TMIGD2: variants seen among roughly 807,000 people sequenced by gnomAD.
The protein encoded by TMIGD2 is transmembrane and immunoglobulin domain-containing protein 2.
TMIGD2 carries 18 observed loss-of-function variants against 22.6 expected under a neutral mutation model. That is an observed-to-expected ratio of 0.80 (90% CI 0.55 to 1.18). The LOEUF (loss-of-function observed/expected upper bound fraction) is 1.18. Among genes scored for constraint, TMIGD2 ranks in the 50% most tolerant of loss-of-function variants. The pLI, the probability that TMIGD2 is intolerant of heterozygous loss-of-function variation, is 0.00. For missense variants in TMIGD2, 361 were observed against 378.2 expected (o/e 0.95, Z 0.38); for synonymous variants, 184 against 154.1 (o/e 1.19, Z -1.44).
intron 1 of TMIGD2, among the ~76,000 whole-genome samples, chr19:4,299,333 T>C (rs563891638): frequency 7.9e-5 from 12 of 151,962 alleles, no homozygotes; most frequent in African/African-American, 2.7e-4. Flanking sequence ...TTTGTAGAGA[T>C]TGGGGTCTCA....
At chr19:4,292,240 C>T (rs1971389403) in exon 5 of TMIGD2, 1 of 284,306 alleles carries the variant, frequency 3.5e-6, no homozygotes, top group Non-Finnish European at 6.7e-6. Context: ...GCTTTTTCTT[C>T]ACAAGCCTTT....
At chr19:4,294,619 G>C in exon 4 of TMIGD2, 1 of 1,610,094 alleles carries the variant, frequency 6.2e-7, no homozygotes, top group Non-Finnish European at 8.5e-7. Flanking sequence ...CCCAGAACCA[G>C]GCACCCCACA....
intron 4 of TMIGD2, among the ~76,000 whole-genome samples, chr19:4,293,562 T>A (rs1313318215): frequency 1.3e-5 from 1 of 74,400 alleles, no homozygotes; most frequent in Non-Finnish European, 2.9e-5. Context: ...ACCCGGCCAA[T>A]TTTTTTTTTT....
In TMIGD2 at chr19:4,295,110, A is replaced by G. The variant is rs536962348; in HGVS notation, c.407-294T>C. On this transcript the variant is annotated intron_variant, in intron 2 of 4. Transcript: ENST00000301272. ...ACCCCATCTCTACAAAAAAATATAA[A>G]AATTAGCCAGGCATGGTGGTGGCGC... 2.0e-5 allele frequency among the ~76,000 whole-genome samples: 3 copies of G among 151,760 alleles called. No homozygotes were observed. The South Asian group carries it at 6.3e-4, about 32-fold the overall frequency.
At chr19:4,292,862 G>C (rs1971401533) in exon 5 of TMIGD2, 1 of 1,613,780 alleles carries the variant, frequency 6.2e-7, no homozygotes, top group African/African-American at 1.3e-5. Flanking sequence ...GGCCGGTATA[G>C]GACGTTGCTG....
At chr19:4,298,381 CTG>C (rs1313126441) in intron 1 of TMIGD2, 36 bp from the exon 2 acceptor site, 3 of 1,522,322 alleles carry the variant, frequency 2.0e-6, no homozygotes, top group Non-Finnish European at 2.6e-6. Context: ...ACCTTTCTGA[CTG>C]TGCGCATGTG....
intron 2 of TMIGD2, 100 bp downstream of exon 2, chr19:4,297,886 A>C: frequency 7.2e-7 from 1 of 1,392,962 alleles, no homozygotes; most frequent in Non-Finnish European, 9.4e-7. Context: ...TTTGATATGA[A>C]GAATTTAGAG....
At chr19:4,293,755 C>T (rs1971419309) in intron 4 of TMIGD2, among the ~76,000 whole-genome samples, 2 of 151,750 alleles carry the variant, frequency 1.3e-5, no homozygotes, top group South Asian at 4.2e-4. Context: ...TGCCACCAAG[C>T]CAGGCTAATT....
rs556069933 is a variant in TMIGD2, at chr19:4,298,424, C to T, written c.47-79G>A. On this transcript the variant is annotated intron_variant, in intron 1 of 4. Transcript: ENST00000301272. ...GTGTGACTCACTCCCCTAGTGAGCCCGCAGTCTGGGTTTGAAACCTCACTT... is the reference window on the plus strand; with the variant it reads ...GTGTGACTCACTCCCCTAGTGAGCCTGCAGTCTGGGTTTGAAACCTCACTT... 284 of 1,472,120 alleles carry T rather than the reference C, an allele frequency of 1.9e-4. 5 individuals are homozygous for T. In the Admixed American group the frequency reaches 5.2e-3, roughly 27 times the overall value. The allele number at this position is 1,472,120 out of a possible 1,614,324, so 91.2% of individuals were successfully genotyped here.
At chr19:4,301,570 T>G (rs1439969649) in intron 1 of TMIGD2, among the ~76,000 whole-genome samples, 10 of 152,178 alleles carry the variant, frequency 6.6e-5, no homozygotes, top group Non-Finnish European at 1.5e-4. Context: ...CTCGGGAGCC[T>G]GAGGCAGGAG....
At chr19:4,301,625 G>A (rs946970256) in intron 1 of TMIGD2, among the ~76,000 whole-genome samples, 29 of 152,308 alleles carry the variant, frequency 1.9e-4, no homozygotes, top group Admixed American at 4.6e-4. Flanking sequence ...AACCGAGATC[G>A]CGTCACTGCA....
chr19:4,292,558 G>A (rs375170109), exon 5 of TMIGD2: 3 of 1,578,738 alleles, frequency 1.9e-6, no homozygotes, highest in African/African-American at 1.4e-5. Context: ...TTTTTTGTGT[G>A]TACCTATGGG....
chr19:4,298,079 T>G lies in TMIGD2; in HGVS notation c.313A>C (p.Asn105His), dbSNP rs199516180. ...CAGCACACGTACGCCCCGCTGTGGT[T>G]GAGGCTCACAGGGTCCAGCTGCAGG... is the stretch of plus-strand genomic sequence containing the variant. Residue 105 changes from asparagine (N) to histidine (H), a missense_variant, in exon 2 of 5, where the codon AAC (asparagine) becomes CAC (histidine). Transcript: ENST00000301272. 177 of 1,613,668 alleles carry G rather than the reference T, an allele frequency of 1.1e-4. 2 individuals are homozygous for G. The highest frequency in any genetic ancestry group is 1.4e-4 in the Non-Finnish European group (161 of 1,179,994).
chr19:4,300,752 C>A (rs559083943), intron 1 of TMIGD2, among the ~76,000 whole-genome samples: 3 of 152,258 alleles, frequency 2.0e-5, no homozygotes, highest in East Asian at 3.9e-4. Flanking sequence ...TGCAAAGGCC[C>A]TGGGGCAGGA....
chr19:4,293,045 G>C (rs1971404919), intron 4 of TMIGD2, among the ~76,000 whole-genome samples, 160 bp from the exon 5 acceptor site: 1 of 151,258 alleles, frequency 6.6e-6, no homozygotes, highest in African/African-American at 2.4e-5. Flanking sequence ...CTCACTGCAA[G>C]CTTCGCCTCC....
intron 1 of TMIGD2, among the ~76,000 whole-genome samples, chr19:4,298,669 G>A (rs1347750711): frequency 2.6e-5 from 4 of 152,112 alleles, no homozygotes; most frequent in Non-Finnish European, 4.4e-5. Context: ...CCAGGCGTTC[G>A]AGGCTGCGGT....
In TMIGD2 at chr19:4,298,070, C is replaced by T. The variant is rs146350591; in HGVS notation, c.322G>A (p.Gly108Arg). ...ACGGCCGCCCAGCACACGTACGCCC[C>T]GCTGTGGTTGAGGCTCACAGGGTCC... The change falls in exon 2 of 5, where the codon GGG (glycine) becomes AGG (arginine). Residue 108 changes from glycine to arginine, a missense_variant. By Grantham distance (125) the Gly-to-Arg change is moderately radical. Coordinates refer to ENST00000301272, the Ensembl canonical transcript of TMIGD2. 5.4e-4 allele frequency: 865 copies of T among 1,613,642 alleles called. 1 individual carries two copies. Among genetic ancestry groups the T allele is most frequent in the Non-Finnish European group, 6.8e-4 (797 of 1,179,998 alleles).
intron 4 of TMIGD2, 140 bp from the exon 5 acceptor site, chr19:4,293,025 G>A (rs1971404535): frequency 1.5e-5 from 19 of 1,267,950 alleles, no homozygotes; most frequent in South Asian, 1.3e-4. Context: ...GTGCAGTGGC[G>A]CAATCTCGGC....
At chr19:4,296,033 CT>C (rs1199738095) in intron 2 of TMIGD2, among the ~76,000 whole-genome samples, 2 of 152,172 alleles carry the variant, frequency 1.3e-5, no homozygotes, top group Non-Finnish European at 2.9e-5. Context: ...ATCCTCCCGC[CT>C]CAACCTCTCA....
Sources: gnomAD v4.1 joint callset for allele counts (sites outside exome capture counted in the v4.1 genomes callset) on GRCh38, gnomAD v4.1.1 for gene constraint, MANE v1.5 for transcripts, NCBI Gene and HGNC (gene_info 2026-07-23, HGNC 2026-07-21) for gene names.